The following TENM2 variants were observed in gnomAD, a reference collection of about 807,000 sequenced individuals.
The protein encoded by TENM2 is teneurin-2.
In TENM2, 52 loss-of-function variants were observed where a neutral mutation model predicts 245.2. The observed-to-expected ratio is 0.21, with a 90% CI of 0.17 to 0.27. The LOEUF (loss-of-function observed/expected upper bound fraction) is 0.27, where lower values mean the gene tolerates loss of function less well. Ranked by LOEUF, TENM2 falls within the 10% of genes least tolerant of loss-of-function variation. The probability of loss-of-function intolerance (pLI) is 1.00; values close to 1 mark genes in which losing one functional copy is unlikely to be tolerated. For missense variants in TENM2, 3,046 were observed against 3,666.8 expected, an observed-to-expected ratio of 0.83 and a Z score of 4.37; for synonymous variants, 1,363 against 1,438.9, an observed-to-expected ratio of 0.95 and a Z score of 1.19.
rs1199784076 is a variant in TENM2 at position 167,648,607 on chromosome 5, TGTCA to T, written c.503-227375_503-227372del. ...GCAAGTTATTTGGAAGTCTGTTTGA[TGTCA>T]GTCTCCAGGGAGAAGCGATGCGACT... On this transcript the variant is annotated intron_variant, in intron 2 of 28. Coordinates refer to ENST00000518659, the Ensembl canonical transcript of TENM2. Among the ~76,000 whole-genome samples, 4 of 152,340 alleles carry T rather than the reference TGTCA, an allele frequency of 2.6e-5. No homozygotes were observed. The East Asian group carries it at 7.7e-4, about 29-fold the overall frequency.
rs925680002 is a variant in TENM2 at position 167,939,213 on chromosome 5, C to T, written c.713-13375C>T. Among the ~76,000 whole-genome samples, 40 of 152,242 alleles carry T rather than the reference C, an allele frequency of 2.6e-4. 1 individual carries two copies. Among genetic ancestry groups the T allele is most frequent in the African/African-American group, 5.5e-4 (23 of 41,540 alleles). On this transcript the variant is annotated intron_variant, in intron 3 of 28. Coordinates refer to ENST00000518659, the Ensembl canonical transcript of TENM2. ...TTTCTACGGAAGAGGGGGATGGTTT[C>T]GGGATGAAACTGTTCCACTTCAGAT...
At chr5:167,045,788 A>G in the TENM2 span, among the ~76,000 whole-genome samples, 1 of 152,204 alleles carries the variant, frequency 6.6e-6, no homozygotes, top group South Asian at 2.1e-4. Context: ...AGCATAGAGA[A>G]TGCTGCATTT....
chr5:167,425,276 T>C (rs2127431038), intron 2 of TENM2, among the ~76,000 whole-genome samples: 1 of 152,086 alleles, frequency 6.6e-6, no homozygotes, highest in South Asian at 2.1e-4. Context: ...GGAAGAAAAA[T>C]TGTGAATTGG....
Position 167,641,284 on chromosome 5 carries a change from G to A in TENM2, c.503-234702G>A, listed in dbSNP as rs536808765. ...TACTTATTTTCATGGCAGAAGGCTC[G>A]CAGAACCAAATAAACCACGGGGAGT... On this transcript the variant is annotated intron_variant, in intron 2 of 28. Transcript: ENST00000518659. Among the ~76,000 whole-genome samples the A allele has an allele frequency of 2.5e-4, 38 of 152,072 alleles. 1 individual carries two copies. The highest frequency in any genetic ancestry group is 8.4e-4 in the African/African-American group (35 of 41,474).
intron 12 of TENM2, among the ~76,000 whole-genome samples, chr5:168,136,731 C>G (rs558365849): frequency 2.0e-5 from 3 of 152,358 alleles, no homozygotes; most frequent in Non-Finnish European, 2.9e-5. Context: ...TAGACAGGCT[C>G]TCAACCCAGG....
At chr5:167,570,581 A>G (rs780413369) in intron 2 of TENM2, among the ~76,000 whole-genome samples, 1 of 151,838 alleles carries the variant, frequency 6.6e-6, no homozygotes, top group East Asian at 1.9e-4. Context: ...TTCCAAGTGC[A>G]TTCTTGAGAA....
chr5:168,042,283 T>A (rs2152014426), intron 5 of TENM2, among the ~76,000 whole-genome samples: 1 of 152,210 alleles, frequency 6.6e-6, no homozygotes, highest in East Asian at 1.9e-4. Context: ...CTCCTCGCGT[T>A]ATGTATCGAC....
intron 2 of TENM2, among the ~76,000 whole-genome samples, chr5:167,665,772 T>C (rs557300578): frequency 6.6e-6 from 1 of 152,288 alleles, no homozygotes; most frequent in East Asian, 1.9e-4. Flanking sequence ...TGTTTATTTT[T>C]CCCCCTGGAA....
chr5:167,246,960 C>T, the TENM2 span, among the ~76,000 whole-genome samples: 1 of 152,002 alleles, frequency 6.6e-6, no homozygotes, highest in East Asian at 1.9e-4. Flanking sequence ...AGCAAATTAG[C>T]AAACACCAGG....
chr5:167,067,559 C>T, the TENM2 span, among the ~76,000 whole-genome samples: 1 of 152,154 alleles, frequency 6.6e-6, no homozygotes, highest in East Asian at 1.9e-4. Flanking sequence ...GAATAAGACA[C>T]TTTTTTGAAT....
intron 2 of TENM2, among the ~76,000 whole-genome samples, chr5:167,420,410 T>C (rs1763433095): frequency 6.6e-6 from 1 of 152,122 alleles, no homozygotes; most frequent in Non-Finnish European, 1.5e-5. Context: ...TGATGGCAAG[T>C]GGAGTGGAGT....
chr5:168,138,825 T>C (rs963784390), intron 12 of TENM2, among the ~76,000 whole-genome samples: 3 of 152,244 alleles, frequency 2.0e-5, no homozygotes, highest in Admixed American at 1.3e-4. Flanking sequence ...GAAGCATTCA[T>C]TGAGTGCCTA....
intron 9 of TENM2, among the ~76,000 whole-genome samples, chr5:168,109,639 A>G (rs1056973043): frequency 3.9e-5 from 6 of 152,212 alleles, no homozygotes; most frequent in Non-Finnish European, 8.8e-5. Context: ...TAAATATCCA[A>G]ATGCTCAGGC....
chr5:168,044,403 T>G (rs1788443958), intron 5 of TENM2, among the ~76,000 whole-genome samples: 1 of 152,192 alleles, frequency 6.6e-6, no homozygotes, highest in African/African-American at 2.4e-5. Flanking sequence ...GTTCAATGAT[T>G]GGCAGCAGGT....
chr5:167,928,726 T>A (rs1777954280), intron 3 of TENM2, among the ~76,000 whole-genome samples: 1 of 151,394 alleles, frequency 6.6e-6, no homozygotes, highest in Non-Finnish European at 1.5e-5. Flanking sequence ...AAACCCCATC[T>A]CTACTAAAAA....
chr5:167,320,028 G>A (rs770429502), intron 1 of TENM2, among the ~76,000 whole-genome samples: 1 of 152,110 alleles, frequency 6.6e-6, no homozygotes, highest in Non-Finnish European at 1.5e-5. Flanking sequence ...CAGGCCACAG[G>A]CTAAGAACTT....
At chr5:168,082,047 G>C (rs1011957077) in intron 7 of TENM2, among the ~76,000 whole-genome samples, 5 of 152,128 alleles carry the variant, frequency 3.3e-5, no homozygotes, top group African/African-American at 7.2e-5. Flanking sequence ...GTTCCATTCT[G>C]CCTGTCACTT....
the TENM2 span, among the ~76,000 whole-genome samples, chr5:167,022,093 T>A: frequency 6.6e-6 from 1 of 152,236 alleles, no homozygotes; most frequent in Non-Finnish European, 1.5e-5. Flanking sequence ...GGTCTTCATA[T>A]AACATTTCTT....
chr5:167,356,385 A>G (rs993922139), intron 1 of TENM2, among the ~76,000 whole-genome samples: 2 of 151,976 alleles, frequency 1.3e-5, no homozygotes, highest in Non-Finnish European at 2.9e-5. Context: ...GTTGCATCCT[A>G]AGGCAGTGGG....
Sources: gnomAD v4.1 joint callset for allele counts (sites outside exome capture counted in the v4.1 genomes callset) on GRCh38, gnomAD v4.1.1 for gene constraint, MANE v1.5 for transcripts, NCBI Gene and HGNC (gene_info 2026-07-23, HGNC 2026-07-21) for gene names.